GTF3C1: variants seen among roughly 807,000 people sequenced by gnomAD.
The protein encoded by GTF3C1 is general transcription factor 3C polypeptide 1.
A neutral mutation model predicts 226.7 loss-of-function variants in GTF3C1; 57 were observed. The ratio of observed to expected loss-of-function variants is 0.25; its 90% CI spans 0.20 to 0.31. The LOEUF is 0.31. Among genes scored for constraint, GTF3C1 ranks in the 10% least tolerant of loss-of-function variants. GTF3C1 has a pLI of 1.00. For missense variants in GTF3C1, 2,217 were observed against 2,776.1 expected (o/e 0.80, Z 4.53); for synonymous variants, 1,090 against 1,084.8 (o/e 1.00, Z -0.09).
rs369166362 is a variant in GTF3C1 at position 27,470,259 on chromosome 16, C to G, written c.4663G>C (p.Asp1555His). The change falls in exon 31 of 37, where the codon GAC (aspartate) becomes CAC (histidine). Residue 1555 changes from aspartate to histidine, a missense_variant. By Grantham distance (81) the Asp-to-His change is moderately conservative. Transcript: ENST00000356183. The surrounding 1 kb of genome is among the most constrained non-coding windows in gnomAD (Gnocchi z 4.9). The stretch of plus-strand genomic sequence containing the variant: ...CCGTCCAGTGAAAAGGCCACCATGT[C>G]GTTTGTGGGCTCGTTATTATCCTGG... The part of the protein sequence containing the change: ...KDQDNNEPTN[D>H]MVAFSLDGPG... 3.7e-6 allele frequency: 6 copies of G among 1,613,936 alleles called. No individual in the cohort carries two copies. The highest frequency in any genetic ancestry group is 3.3e-5 in the South Asian group (3 of 91,070).
At chr16:27,520,872 C>G (rs2088737172) in intron 6 of GTF3C1, among the ~76,000 whole-genome samples, 1 of 152,134 alleles carries the variant, frequency 6.6e-6, no homozygotes, top group Non-Finnish European at 1.5e-5. Flanking sequence ...GCACCTGCCA[C>G]CATGCCCAAC....
chr16:27,498,104 T>C (rs901039013), intron 13 of GTF3C1, among the ~76,000 whole-genome samples: 2 of 152,188 alleles, frequency 1.3e-5, no homozygotes, highest in African/African-American at 4.8e-5. Flanking sequence ...GCATCAACGC[T>C]AGAAGTCAGT....
chr16:27,524,645 C>G (rs910960077), intron 6 of GTF3C1, among the ~76,000 whole-genome samples: 2 of 152,184 alleles, frequency 1.3e-5, no homozygotes, highest in African/African-American at 4.8e-5. Flanking sequence ...TTTCCAGGGA[C>G]CTTAGGCTAG....
In GTF3C1 at chr16:27,462,551, C is replaced by A; in HGVS notation, c.5925-65G>T. ...AGGAGGGCAGCTCGTCCAGACAGAA[C>A]ACTGAGGCTCAGGGGCGTCCTAGGC... On this transcript the variant is annotated intron_variant, in intron 35 of 36. Coordinates refer to ENST00000356183, the MANE Select transcript of GTF3C1 (RefSeq NM_001520.4). This position sits in a 1 kb window ranked among gnomAD's most constrained non-coding sequence, Gnocchi z 4.5. The A allele has an allele frequency of 7.8e-7, 1 of 1,287,532 alleles. No individual in the cohort carries two copies. The highest frequency in any genetic ancestry group is 1.3e-5 in the South Asian group (1 of 79,066). 79.8% of individuals were successfully genotyped at this position (1,287,532 alleles called of 1,614,324 possible). A position where few individuals can be genotyped will look rare whatever the true frequency, so the allele number is the denominator to read the frequency against.
chr16:27,526,240 C>T (rs1424022344), intron 6 of GTF3C1, among the ~76,000 whole-genome samples: 3 of 152,202 alleles, frequency 2.0e-5, no homozygotes, highest in African/African-American at 7.2e-5. Context: ...TAGGAGCCCA[C>T]GTTCCCCTTT....
At chr16:27,541,619 C>T (rs575276985) in intron 2 of GTF3C1, among the ~76,000 whole-genome samples, 1 of 152,252 alleles carries the variant, frequency 6.6e-6, no homozygotes, top group African/African-American at 2.4e-5. Context: ...GAGGACACTT[C>T]CAGAGGAGTC....
At chr16:27,509,943 C>T (rs186473584) in intron 7 of GTF3C1, among the ~76,000 whole-genome samples, 1 of 151,896 alleles carries the variant, frequency 6.6e-6, no homozygotes, top group East Asian at 2.0e-4. Flanking sequence ...TAGCAACACG[C>T]TAAAAAGTAG....
rs1266783731 is a variant in GTF3C1, at chr16:27,462,245, G to C, written c.6117+49C>G. Reference sequence around the variant, plus strand: ...CTGAACATCACAGCCGGGCCACTGAGTGCACCCAGCCGCCTCCACACCCTG... The same window carrying C: ...CTGAACATCACAGCCGGGCCACTGACTGCACCCAGCCGCCTCCACACCCTG... On this transcript the variant is annotated intron_variant, in intron 36 of 36. Transcript: ENST00000356183. This position sits in a 1 kb window ranked among gnomAD's most constrained non-coding sequence, Gnocchi z 4.5. The C allele has an allele frequency of 5.8e-6, 8 of 1,369,656 alleles. No individual in the cohort carries two copies. The highest frequency in any genetic ancestry group is 4.0e-5 in the Admixed American group (2 of 49,572). The allele number at this position is 1,369,656 out of a possible 1,614,324, so 84.8% of individuals were successfully genotyped here.
chr16:27,505,738 A>G (rs1185780796), intron 10 of GTF3C1, among the ~76,000 whole-genome samples, 161 bp downstream of exon 10: 2 of 152,246 alleles, frequency 1.3e-5, no homozygotes, highest in Admixed American at 6.5e-5. Context: ...AGTGGTGTGT[A>G]GATAAGCACA....
chr16:27,541,711 T>C (rs1326511433), intron 2 of GTF3C1, among the ~76,000 whole-genome samples: 1 of 152,084 alleles, frequency 6.6e-6, no homozygotes, highest in African/African-American at 2.4e-5. Flanking sequence ...AGGATTGCCT[T>C]GAGACAAAAA....
rs2087871428 is a variant in GTF3C1 at position 27,471,612 on chromosome 16, C to A, written c.4526+136G>T. On this transcript the variant is annotated intron_variant, in intron 30 of 36. Coordinates refer to ENST00000356183, the MANE Select transcript of GTF3C1 (RefSeq NM_001520.4). This position sits in a 1 kb window ranked among gnomAD's most constrained non-coding sequence, Gnocchi z 5.0. Reference sequence around the variant, plus strand: ...GGTAAGGGGCTGCAGGAAACCCAAGCCGGCATCTTGCACATGAGGCTGCGA... The same window carrying A: ...GGTAAGGGGCTGCAGGAAACCCAAGACGGCATCTTGCACATGAGGCTGCGA... The A allele has an allele frequency of 5.8e-6, 4 of 689,442 alleles. No homozygotes were observed. The highest frequency in any genetic ancestry group is 5.4e-5 in the South Asian group (3 of 55,694). 42.7% of individuals were successfully genotyped at this position (689,442 alleles called of 1,614,324 possible).
At chr16:27,504,646 T>C (rs1473468655) in intron 10 of GTF3C1, among the ~76,000 whole-genome samples, 2 of 152,210 alleles carry the variant, frequency 1.3e-5, no homozygotes, top group Non-Finnish European at 2.9e-5. Flanking sequence ...CCAGGCGCAG[T>C]GGCTCACGCC....
intron 1 of GTF3C1, among the ~76,000 whole-genome samples, 180 bp from the exon 2 acceptor site, chr16:27,545,703 G>A (rs932301648): frequency 2.6e-4 from 39 of 152,116 alleles, no homozygotes; most frequent in African/African-American, 8.7e-4. Flanking sequence ...CCCACAGAAC[G>A]CAGACCTTTC....
intron 10 of GTF3C1, 138 bp from the exon 11 acceptor site, chr16:27,503,133 TCTC>T (rs2088432854): frequency 4.8e-6 from 3 of 628,718 alleles, no homozygotes; most frequent in South Asian, 3.9e-5. Flanking sequence ...AGAAGCCTGT[TCTC>T]CTACACAGAA....
intron 29 of GTF3C1, 47 bp downstream of exon 29, chr16:27,476,404 C>T (rs375360151): frequency 6.3e-5 from 78 of 1,240,078 alleles, no homozygotes; most frequent in African/African-American, 1.8e-4. Context: ...AGCCTGGCCT[C>T]GGAAGGGCCC....
rs1567384622 is a variant in GTF3C1, at chr16:27,469,278, CAGG to C, written c.5074+10_5074+12del. 3 of 1,547,790 alleles carry C rather than the reference CAGG, an allele frequency of 1.9e-6. No individual in the cohort carries two copies. The South Asian group carries it at 3.6e-5, about 19-fold the overall frequency. The stretch of plus-strand genomic sequence containing the variant: ...AGGCCAGGCCCTCCCACAGCACCAG[CAGG>C]AGCACTCACCAGCGGGCCTGAGCCG... On this transcript the variant is annotated intron_variant, in intron 32 of 36. Coordinates refer to ENST00000356183, the MANE Select transcript of GTF3C1 (RefSeq NM_001520.4). The surrounding 1 kb of genome is among the most constrained non-coding windows in gnomAD (Gnocchi z 4.5).
chr16:27,469,238 TC>T lies in GTF3C1; in HGVS notation c.5074+52del. 6.6e-7 allele frequency: 1 copy of T among 1,508,148 alleles called. No individual in the cohort carries two copies. The highest frequency in any genetic ancestry group is 8.9e-7 in the Non-Finnish European group (1 of 1,120,642). 93.4% of individuals were successfully genotyped at this position (1,508,148 alleles called of 1,614,324 possible). ...GGTCCCAGGCCAGGCCTCAGGGTCTTCCTGGATGATGGCGAGGCCAGGCCCT... is the reference window on the plus strand; with the variant it reads ...GGTCCCAGGCCAGGCCTCAGGGTCTTCTGGATGATGGCGAGGCCAGGCCCT... On this transcript the variant is annotated intron_variant, in intron 32 of 36. Coordinates refer to ENST00000356183, the MANE Select transcript of GTF3C1 (RefSeq NM_001520.4). This position sits in a 1 kb window ranked among gnomAD's most constrained non-coding sequence, Gnocchi z 4.5.
In GTF3C1 at chr16:27,463,770, C is replaced by T. The variant is rs569573544; in HGVS notation, c.5873-178G>A. ...GCGGCCACCCTGGAGGTGGCAGGGC[C>T]GGGCAGACTGCCGCACACAGCGCCA... On this transcript the variant is annotated intron_variant, in intron 34 of 36. Transcript: ENST00000356183. The surrounding 1 kb of genome is among the most constrained non-coding windows in gnomAD (Gnocchi z 4.9). 1,333 of 647,270 alleles carry T rather than the reference C, an allele frequency of 2.1e-3. 6 individuals carry two copies. The highest frequency in any genetic ancestry group is 2.8e-3 in the Non-Finnish European group (1,011 of 363,064). 40.1% of individuals were successfully genotyped at this position (647,270 alleles called of 1,614,324 possible).
At position 27,469,978 on chromosome 16, in the gene GTF3C1, A is replaced by G; in HGVS notation, c.4814+130T>C. On this transcript the variant is annotated intron_variant, in intron 31 of 36. Transcript: ENST00000356183. The surrounding 1 kb of genome is among the most constrained non-coding windows in gnomAD (Gnocchi z 4.5). ...GAGGACACCTTAGACACCGGCCTAT[A>G]ATCCCCAGTCACTCATCTGCAACTC... 1 of 755,022 alleles carries G rather than the reference A, an allele frequency of 1.3e-6. No individual in the cohort carries two copies. Among genetic ancestry groups the G allele is most frequent in the Non-Finnish European group, 2.2e-6 (1 of 448,202 alleles). The allele number at this position is 755,022 out of a possible 1,614,324, so 46.8% of individuals were successfully genotyped here. A position where few individuals can be genotyped will look rare whatever the true frequency, so the allele number is the denominator to read the frequency against.
Sources: allele counts gnomAD v4.1 joint callset (sites outside exome capture counted in the v4.1 genomes callset), GRCh38; gene constraint gnomAD v4.1.1; non-coding constraint Gnocchi (gnomAD v3.1); transcripts MANE v1.5; gene names NCBI Gene and HGNC (gene_info 2026-07-23, HGNC 2026-07-21).